PKHD1: variants seen among roughly 807,000 people sequenced by gnomAD.
PKHD1 encodes fibrocystin.
In PKHD1, 291 loss-of-function variants were observed where a neutral mutation model predicts 412.0. The observed-to-expected ratio is 0.71, with a 90% CI of 0.64 to 0.78. The LOEUF is 0.78. Ranked by LOEUF, PKHD1 falls within the 30% of genes least tolerant of loss-of-function variation. The pLI is 0.00. For synonymous variants in PKHD1, 1,777 were observed against 1,821.5 expected, an observed-to-expected ratio of 0.98 and a Z score of 0.62; for missense variants, 4,825 against 4,950.7, an observed-to-expected ratio of 0.97 and a Z score of 0.76.
intron 65 of PKHD1, among the ~76,000 whole-genome samples, chr6:51,631,894 G>C (rs569564234): frequency 6.6e-6 from 1 of 150,638 alleles, no homozygotes; most frequent in African/African-American, 2.4e-5. Flanking sequence ...CCCTTTTAAA[G>C]GAGAAGAGGA....
intron 35 of PKHD1, among the ~76,000 whole-genome samples, chr6:52,005,034 A>G (rs2128105811): frequency 1.3e-5 from 2 of 152,280 alleles, no homozygotes; most frequent in South Asian, 4.1e-4. Context: ...TTCCACCAAT[A>G]TTAGCAGCCC....
At chr6:51,869,359 C>A (rs1775599508) in intron 47 of PKHD1, among the ~76,000 whole-genome samples, 1 of 152,262 alleles carries the variant, frequency 6.6e-6, no homozygotes, top group South Asian at 2.1e-4. Flanking sequence ...GCCTGACCCC[C>A]TTCCTCGGCC....
intron 35 of PKHD1, among the ~76,000 whole-genome samples, chr6:51,963,506 A>C (rs1792370513): frequency 6.6e-6 from 1 of 152,158 alleles, no homozygotes; most frequent in South Asian, 2.1e-4. Flanking sequence ...CTTACCAGCT[A>C]CCTGGGGAAA....
intron 52 of PKHD1, among the ~76,000 whole-genome samples, chr6:51,811,716 C>T (rs147837051): frequency 7.9e-5 from 12 of 152,026 alleles, no homozygotes; most frequent in Non-Finnish European, 1.5e-4. Flanking sequence ...TCATCCAAAA[C>T]GCTAAGGATA....
intron 60 of PKHD1, among the ~76,000 whole-genome samples, chr6:51,686,882 G>C: frequency 6.6e-6 from 1 of 152,152 alleles, no homozygotes; most frequent in East Asian, 1.9e-4. Context: ...TTGCATGTTT[G>C]AAATCTACAA....
At chr6:51,668,161 A>T (rs1460646597) in intron 60 of PKHD1, among the ~76,000 whole-genome samples, 1 of 152,076 alleles carries the variant, frequency 6.6e-6, no homozygotes, top group Non-Finnish European at 1.5e-5. Context: ...CACGATATTG[A>T]TTCTTCCTAC....
At chr6:51,868,572 A>G (rs1583118174) in intron 47 of PKHD1, among the ~76,000 whole-genome samples, 3 of 151,046 alleles carry the variant, frequency 2.0e-5, no homozygotes, top group African/African-American at 7.3e-5. Context: ...AATAGTGCCA[A>G]GGGTAAGAAA....
At chr6:52,067,053 C>T (rs1334911774) in intron 11 of PKHD1, among the ~76,000 whole-genome samples, 1 of 152,160 alleles carries the variant, frequency 6.6e-6, no homozygotes, top group South Asian at 2.1e-4. Context: ...AGAGGAGTTG[C>T]ATTTTGTGTA....
intron 60 of PKHD1, chr6:51,720,753 G>GTGTA (rs1239713083): frequency 5.6e-5 from 4 of 71,644 alleles, no homozygotes; most frequent in African/African-American, 1.0e-4. Context: ...GTATGTATAT[G>GTGTA]TGTGTGTGTG....
At chr6:51,843,317 C>T (rs903974233) in intron 50 of PKHD1, among the ~76,000 whole-genome samples, 1 of 152,252 alleles carries the variant, frequency 6.6e-6, no homozygotes, top group African/African-American at 2.4e-5. Context: ...CAACAGGAAT[C>T]ACATGGGCAA....
At chr6:51,725,004 A>G (rs1782396610) in intron 60 of PKHD1, among the ~76,000 whole-genome samples, 1 of 152,200 alleles carries the variant, frequency 6.6e-6, no homozygotes, top group East Asian at 1.9e-4. Flanking sequence ...AGGAACTACT[A>G]CAAATGCACC....
At chr6:51,962,541 A>G (rs1484003138) in intron 35 of PKHD1, among the ~76,000 whole-genome samples, 4 of 152,062 alleles carry the variant, frequency 2.6e-5, no homozygotes, top group African/African-American at 4.8e-5. Context: ...CTTGGTCCCA[A>G]CCCAGTAGGT....
At chr6:51,772,010 T>G (rs1790225561) in intron 55 of PKHD1, among the ~76,000 whole-genome samples, 1 of 152,140 alleles carries the variant, frequency 6.6e-6, no homozygotes, top group African/African-American at 2.4e-5. Flanking sequence ...TATTAATCTT[T>G]TCTAATAAAA....
intron 64 of PKHD1, among the ~76,000 whole-genome samples, chr6:51,633,736 A>C (rs958809534): frequency 1.3e-5 from 2 of 152,166 alleles, no homozygotes; most frequent in Admixed American, 1.3e-4. Flanking sequence ...CCAACGATGA[A>C]TGGTGGAGAA....
chr6:51,962,774 T>C (rs1158055037), intron 35 of PKHD1, among the ~76,000 whole-genome samples: 1 of 152,074 alleles, frequency 6.6e-6, no homozygotes, highest in Non-Finnish European at 1.5e-5. Flanking sequence ...TGCTCAGGTA[T>C]CACCTCCTTA....
intron 35 of PKHD1, among the ~76,000 whole-genome samples, chr6:51,967,895 A>G (rs1793068628): frequency 6.6e-6 from 1 of 152,194 alleles, no homozygotes; most frequent in Admixed American, 6.6e-5. Flanking sequence ...TTCCCCATGC[A>G]ATGGACCCAT....
At chr6:52,080,030 C>G in intron 4 of PKHD1, 22 bp from the exon 5 acceptor site, 1 of 1,405,894 alleles carries the variant, frequency 7.1e-7, no homozygotes, top group African/African-American at 1.4e-5. Flanking sequence ...AAGTGGAAAT[C>G]CTTATGAATC....
At chr6:51,989,954 A>AGGAGGGAGGGAGGGAGGGAGGGAG (rs1796804341) in intron 35 of PKHD1, among the ~76,000 whole-genome samples, 1 of 46,600 alleles carries the variant, frequency 2.1e-5, no homozygotes, top group South Asian at 6.4e-4. Context: ...GAAGAAAGGA[A>AGGAGGGAGGGAGGGAGGGAGGGAG]GGAAAGAAGG....
At chr6:51,858,713 A>C (rs756656029) in intron 48 of PKHD1, among the ~76,000 whole-genome samples, 40 of 152,218 alleles carry the variant, frequency 2.6e-4, no homozygotes, top group Non-Finnish European at 5.3e-4. Context: ...ATAAGAAATA[A>C]AAGTGCCTTT....
Sources: allele counts gnomAD v4.1 joint callset (sites outside exome capture counted in the v4.1 genomes callset), GRCh38; gene constraint gnomAD v4.1.1; transcripts MANE v1.5; gene names NCBI Gene and HGNC (gene_info 2026-07-23, HGNC 2026-07-21).